The following POLH variants were observed in gnomAD, a reference collection of about 807,000 sequenced individuals.
The protein encoded by POLH is DNA polymerase eta transcript.
A neutral mutation model predicts 73.6 loss-of-function variants in POLH; 53 were observed. The ratio of observed to expected loss-of-function variants is 0.72; its 90% CI spans 0.58 to 0.91. The LOEUF (loss-of-function observed/expected upper bound fraction) is 0.91, where lower values mean the gene tolerates loss of function less well. Among genes scored for constraint, POLH ranks in the 40% least tolerant of loss-of-function variants. POLH has a pLI of 0.00. For missense variants in POLH, 768 were observed against 865.4 expected (o/e 0.89, Z 1.41); for synonymous variants, 292 against 308.5 (o/e 0.95, Z 0.56).
chr6:43,614,708 C>A lies in POLH; in HGVS notation c.*151C>A. ...TCCATTTAGGTGCTGAGTTACGGTC[C>A]CATCTCTTCACAGGCATGGATTCTA... On this transcript the variant is annotated 3_prime_UTR_variant, in exon 11 of 11. Transcript: ENST00000372236. The A allele has an allele frequency of 1.5e-6, 1 of 674,574 alleles. No homozygotes were observed. The highest frequency in any genetic ancestry group is 2.5e-6 in the Non-Finnish European group (1 of 406,886). The allele number at this position is 674,574 out of a possible 1,614,324, so 41.8% of individuals were successfully genotyped here.
intron 3 of POLH, 125 bp downstream of exon 3, chr6:43,583,266 C>A: frequency 1.2e-6 from 1 of 815,896 alleles, no homozygotes; most frequent in Non-Finnish European, 2.0e-6. Context: ...TTTGGTTAGC[C>A]ATCTTGTCTC....
intron 10 of POLH, among the ~76,000 whole-genome samples, chr6:43,611,810 C>G (rs1767910633): frequency 1.3e-5 from 2 of 152,162 alleles, no homozygotes; most frequent in South Asian, 4.1e-4. Context: ...AATCCCAGCA[C>G]TTTCGGAGGC....
At chr6:43,605,435 TTTTC>T (rs1325850866) in intron 9 of POLH, 116 bp downstream of exon 9, 13 of 594,450 alleles carry the variant, frequency 2.2e-5, no homozygotes, top group Non-Finnish European at 3.0e-5. Context: ...GAAATATCCG[TTTTC>T]TTTCTTTTTT....
chr6:43,581,796 G>A (rs1176329493), intron 1 of POLH, among the ~76,000 whole-genome samples: 1 of 150,678 alleles, frequency 6.6e-6, no homozygotes. Context: ...CAGCGCAGCC[G>A]CGCCAACCAC....
At position 43,598,967 on chromosome 6, in the gene POLH, A is replaced by G. The variant is rs1043365453; in HGVS notation, c.660+1102A>G. Reference sequence around the variant, plus strand: ...TTACATACATTAATGTATTTCTTCTATTTTCACTTGCTGAATTTTTTTTTT... The same window carrying G: ...TTACATACATTAATGTATTTCTTCTGTTTTCACTTGCTGAATTTTTTTTTT... On this transcript the variant is annotated intron_variant, in intron 5 of 10. Transcript: ENST00000372236. Among the ~76,000 whole-genome samples the G allele has an allele frequency of 3.2e-5, 4 of 124,016 alleles. No homozygotes were observed. In the East Asian group the frequency reaches 8.8e-4, roughly 27 times the overall value. The allele number at this position is 124,016 out of a possible 152,430, so 81.4% of individuals were successfully genotyped here. A position where few individuals can be genotyped will look rare whatever the true frequency, so the allele number is the denominator to read the frequency against.
chr6:43,597,656 T>G, intron 4 of POLH, 40 bp from the exon 5 acceptor site: 1 of 1,560,848 alleles, frequency 6.4e-7, no homozygotes, highest in East Asian at 2.2e-5. Flanking sequence ...AAATAAATAA[T>G]TTTTTAAATG....
rs183729246 is a variant in POLH, at chr6:43,617,807, G to A, written c.*3250G>A. ...GTGGTGGTGCACGCCTGTAGTCCCAGCTACTTGGGAGGCTGAGGCAGAAGA... is the reference window on the plus strand; with the variant it reads ...GTGGTGGTGCACGCCTGTAGTCCCAACTACTTGGGAGGCTGAGGCAGAAGA... On this transcript the variant is annotated 3_prime_UTR_variant, in exon 11 of 11. Transcript: ENST00000372236. 1.1e-3 allele frequency among the ~76,000 whole-genome samples: 173 copies of A among 152,202 alleles called. No individual in the cohort carries two copies. The highest frequency in any genetic ancestry group is 4.3e-3 in the South Asian group (21 of 4,828).
chr6:43,597,731 G>A lies in POLH; in HGVS notation c.526G>A (p.Asp176Asn), dbSNP rs773080170. Residue 176 changes from aspartate to asparagine, a missense_variant, in exon 5 of 11, where the codon GAT (aspartate) becomes AAT (asparagine). Coordinates refer to ENST00000372236, the MANE Select transcript of POLH (RefSeq NM_006502.3). ...AAAACAAGGCTTATTTCAATGGCTC[G>A]ATTCTCTTCAGATTGATAACCTCAC... ...MRKQGLFQWL[D>N]SLQIDNLTSP... The A allele has an allele frequency of 1.1e-5, 17 of 1,613,794 alleles. No individual in the cohort carries two copies. Among genetic ancestry groups the A allele is most frequent in the South Asian group, 6.6e-5 (6 of 91,076 alleles).
At chr6:43,607,327 T>G (rs1767414815) in intron 9 of POLH, among the ~76,000 whole-genome samples, 1 of 152,164 alleles carries the variant, frequency 6.6e-6, no homozygotes, top group African/African-American at 2.4e-5. Flanking sequence ...TCTCATGACC[T>G]TGTGATCTTC....
At position 43,583,003 on chromosome 6, in the gene POLH, T is replaced by C; in HGVS notation, c.138-4T>C. 6.2e-7 allele frequency: 1 copy of C among 1,612,562 alleles called. No individual in the cohort carries two copies. The highest frequency in any genetic ancestry group is 1.1e-5 in the South Asian group (1 of 91,012). On this transcript the variant is annotated splice_region_variant and splice_polypyrimidine_tract_variant and intron_variant, in intron 2 of 10. Transcript: ENST00000372236. ...TTTCTGTTTCCTTTTTTTTCTAACC[T>C]TAGAATAATTGCAGTGAGTTATGAA...
At position 43,576,203 on chromosome 6, in the gene POLH, C is replaced by T. The variant is rs56210561; in HGVS notation, c.-242C>T. 2 of 217,800 alleles carry T rather than the reference C, an allele frequency of 9.2e-6. No individual in the cohort carries two copies. The highest frequency in any genetic ancestry group is 1.8e-5 in the Non-Finnish European group (2 of 111,170). 13.5% of individuals were successfully genotyped at this position (217,800 alleles called of 1,614,324 possible). A position where few individuals can be genotyped will look rare whatever the true frequency, so the allele number is the denominator to read the frequency against. ...AGACCTCAGTCTGGCGGCTGCATTG[C>T]TGGGCGCGCCGCTCTCGTCTGATCC... On this transcript the variant is annotated 5_prime_UTR_variant, in exon 1 of 11. Coordinates refer to ENST00000372236, the MANE Select transcript of POLH (RefSeq NM_006502.3).
At chr6:43,605,513 A>G (rs1582310948) in intron 9 of POLH, 194 bp downstream of exon 9, 4 of 527,194 alleles carry the variant, frequency 7.6e-6, no homozygotes, top group East Asian at 6.8e-5. Flanking sequence ...CACTGGCACA[A>G]TCATGGCTCA....
At chr6:43,594,298 T>A (rs1277964417) in intron 4 of POLH, among the ~76,000 whole-genome samples, 2 of 152,198 alleles carry the variant, frequency 1.3e-5, no homozygotes, top group Admixed American at 1.3e-4. Context: ...TATAAATTGT[T>A]TTAAATGATG....
At chr6:43,583,573 T>C (rs1394531555) in intron 3 of POLH, among the ~76,000 whole-genome samples, 2 of 152,198 alleles carry the variant, frequency 1.3e-5, no homozygotes, top group Admixed American at 1.3e-4. Flanking sequence ...TCTCTGTTTT[T>C]AGATTAAGCT....
chr6:43,610,444 C>T (rs138187354), intron 9 of POLH, 110 bp from the exon 10 acceptor site: 8 of 868,386 alleles, frequency 9.2e-6, no homozygotes, highest in East Asian at 7.4e-5. Context: ...ACTACTGTTT[C>T]CAAACCATTG....
At chr6:43,597,096 A>G (rs1460881385) in intron 4 of POLH, among the ~76,000 whole-genome samples, 1 of 152,090 alleles carries the variant, frequency 6.6e-6, no homozygotes, top group East Asian at 1.9e-4. Flanking sequence ...GGGGAGATAA[A>G]TGTGTTTACA....
chr6:43,583,340 T>C (rs1369005200), intron 3 of POLH, among the ~76,000 whole-genome samples, 199 bp downstream of exon 3: 1 of 152,216 alleles, frequency 6.6e-6, no homozygotes, highest in Non-Finnish European at 1.5e-5. Context: ...TTATACCATA[T>C]AAGAGTTGCT....
intron 9 of POLH, among the ~76,000 whole-genome samples, chr6:43,608,258 T>A (rs542333717): frequency 6.6e-6 from 1 of 152,346 alleles, no homozygotes; most frequent in East Asian, 1.9e-4. Flanking sequence ...TTCTGTGGGT[T>A]TTCTTCTCAC....
rs947397281 is a variant in POLH, at chr6:43,619,402, T to C, written c.*4845T>C. Among the ~76,000 whole-genome samples, 4 of 146,184 alleles carry C rather than the reference T, an allele frequency of 2.7e-5. No homozygotes were observed. The highest frequency in any genetic ancestry group is 1.0e-4 in the African/African-American group (4 of 39,826). The stretch of plus-strand genomic sequence containing the variant: ...AAAAAAAAAAAAAAAAAAGACTACA[T>C]TCACTGTATACGTGGCCTTTTCCCC... On this transcript the variant is annotated 3_prime_UTR_variant, in exon 11 of 11. Coordinates refer to ENST00000372236, the MANE Select transcript of POLH (RefSeq NM_006502.3).
Sources: gnomAD v4.1 joint callset for allele counts (sites outside exome capture counted in the v4.1 genomes callset) on GRCh38, gnomAD v4.1.1 for gene constraint, MANE v1.5 for transcripts, NCBI Gene and HGNC (gene_info 2026-07-23, HGNC 2026-07-21) for gene names.